The following ASB15 variants were observed in gnomAD, a reference collection of about 807,000 sequenced individuals.
ASB15 encodes the protein ankyrin repeat and SOCS box containing 15.
A neutral mutation model predicts 58.0 loss-of-function variants in ASB15; 54 were observed. That is an observed-to-expected ratio of 0.93 (90% CI 0.75 to 1.17). The LOEUF is 1.17. ASB15 is among the 50% of genes most tolerant of loss of function. The pLI, the probability that ASB15 is intolerant of heterozygous loss-of-function variation, is 0.00. For synonymous variants in ASB15, 249 were observed against 262.4 expected, an observed-to-expected ratio of 0.95 and a Z score of 0.50; for missense variants, 680 against 707.4, an observed-to-expected ratio of 0.96 and a Z score of 0.44.
At chr7:123,601,131 T>A (rs1453987176), upstream of ASB15, among the ~76,000 whole-genome samples, 2 of 152,138 alleles carry the variant, frequency 1.3e-5, no homozygotes. Flanking sequence ...CAAGGATAGC[T>A]GTGTCAAAAC....
chr7:123,572,420 C>T (rs973826637), intron 1 of ASB15, among the ~76,000 whole-genome samples: 13 of 151,688 alleles, frequency 8.6e-5, no homozygotes, highest in East Asian at 5.8e-4. Context: ...ATTACAGGCA[C>T]GAGCCACCAC....
intron 11 of ASB15, among the ~76,000 whole-genome samples, chr7:123,632,292 G>A (rs1419046546): frequency 6.6e-6 from 1 of 151,860 alleles, no homozygotes; most frequent in Non-Finnish European, 1.5e-5. Context: ...ATAAAAATTA[G>A]AAAAAATTAA....
intron 1 of ASB15, among the ~76,000 whole-genome samples, chr7:123,587,748 A>G (rs1166618991): frequency 1.3e-5 from 2 of 151,774 alleles, no homozygotes; most frequent in African/African-American, 2.4e-5. Flanking sequence ...AATATCAAAA[A>G]AGATGTTGAT....
chr7:123,629,569 G>T, intron 10 of ASB15, 135 bp downstream of exon 10: 1 of 752,280 alleles, frequency 1.3e-6, no homozygotes, highest in Non-Finnish European at 2.1e-6. Flanking sequence ...ATTTTTGTAT[G>T]CAATGATACA....
intron 6 of ASB15, among the ~76,000 whole-genome samples, chr7:123,616,805 C>T (rs1322049862): frequency 8.1e-6 from 1 of 123,606 alleles, no homozygotes; most frequent in Non-Finnish European, 1.7e-5. Flanking sequence ...ATATATAACA[C>T]TTTTCTTTTG....
intron 1 of ASB15, among the ~76,000 whole-genome samples, chr7:123,568,756 T>G (rs1798827554): frequency 6.6e-6 from 1 of 152,038 alleles, no homozygotes; most frequent in African/African-American, 2.4e-5. Flanking sequence ...ATGTAAATGG[T>G]GATGAGAATA....
chr7:123,598,891 A>G (rs1378842811), upstream of ASB15: 3 of 152,178 alleles, frequency 2.0e-5, no homozygotes, highest in Admixed American at 1.3e-4. Context: ...CTGTTGGAGG[A>G]GTTCAGTGCT....
chr7:123,584,609 A>G (rs1799327751), intron 1 of ASB15, among the ~76,000 whole-genome samples: 1 of 152,006 alleles, frequency 6.6e-6, no homozygotes. Context: ...TTTTGTACAG[A>G]AAGCAAGAAA....
intron 3 of ASB15, among the ~76,000 whole-genome samples, chr7:123,610,097 A>G (rs1800359533): frequency 6.6e-6 from 1 of 152,212 alleles, no homozygotes; most frequent in South Asian, 2.1e-4. Flanking sequence ...TATTTTTGGA[A>G]GTGATTGTCA....
intron 7 of ASB15, 78 bp from the exon 8 acceptor site, chr7:123,624,491 A>C: frequency 7.3e-7 from 1 of 1,368,020 alleles, no homozygotes; most frequent in Non-Finnish European, 1.0e-6. Context: ...TTCAATATTA[A>C]ATTTAGTAAT....
intron 1 of ASB15, among the ~76,000 whole-genome samples, chr7:123,584,188 T>C (rs1481646510): frequency 6.6e-6 from 1 of 151,444 alleles, no homozygotes; most frequent in African/African-American, 2.4e-5. Context: ...GATAGGTATC[T>C]CAAATTTTAC....
At chr7:123,580,738 G>A (rs1799207727) in intron 1 of ASB15, among the ~76,000 whole-genome samples, 1 of 151,872 alleles carries the variant, frequency 6.6e-6, no homozygotes, top group South Asian at 2.1e-4. Context: ...GCAACCTTGT[G>A]CAGTATACAA....
chr7:123,616,161 T>C, intron 4 of ASB15, 60 bp from the exon 5 acceptor site: 2 of 1,322,448 alleles, frequency 1.5e-6, no homozygotes, highest in Non-Finnish European at 2.1e-6. Flanking sequence ...TTAAAATGTT[T>C]GGTTCCTTGA....
chr7:123,600,058 T>C (rs1315295211), upstream of ASB15, among the ~76,000 whole-genome samples: 2 of 152,200 alleles, frequency 1.3e-5, no homozygotes, highest in East Asian at 3.8e-4. Flanking sequence ...TATGTCTTAT[T>C]GTGTGTGCAT....
At chr7:123,616,863 G>A (rs370545594) in intron 6 of ASB15, among the ~76,000 whole-genome samples, 3 of 152,212 alleles carry the variant, frequency 2.0e-5, no homozygotes, top group African/African-American at 7.2e-5. Flanking sequence ...TGAGTTAACA[G>A]TTTCCAAAAG....
intron 3 of ASB15, among the ~76,000 whole-genome samples, chr7:123,611,745 A>T (rs1030110355): frequency 6.6e-6 from 1 of 152,090 alleles, no homozygotes; most frequent in Non-Finnish European, 1.5e-5. Flanking sequence ...TTGTGTCTTG[A>T]CGTCTTTAAG....
intron 1 of ASB15, among the ~76,000 whole-genome samples, chr7:123,577,379 T>TA (rs1360054445): frequency 6.6e-6 from 1 of 152,200 alleles, no homozygotes; most frequent in African/African-American, 2.4e-5. Context: ...AATGCTTCTG[T>TA]AACTGGCCCA....
chr7:123,569,440 T>A (rs897149327), intron 1 of ASB15, among the ~76,000 whole-genome samples: 2 of 152,222 alleles, frequency 1.3e-5, no homozygotes, highest in Admixed American at 6.5e-5. Context: ...AAGTCATTAC[T>A]ACCTGGTGTG....
intron 1 of ASB15, among the ~76,000 whole-genome samples, chr7:123,595,235 G>T (rs1442894525): frequency 6.6e-6 from 1 of 152,202 alleles, no homozygotes. Context: ...TCATGTGCTT[G>T]TAATAAAACC....
Sources: gnomAD v4.1 joint callset for allele counts (sites outside exome capture counted in the v4.1 genomes callset) on GRCh38, gnomAD v4.1.1 for gene constraint, MANE v1.5 for transcripts, NCBI Gene and HGNC (gene_info 2026-07-23, HGNC 2026-07-21) for gene names.